DOCK5: variants seen among roughly 807,000 people sequenced by gnomAD.
DOCK5 encodes dedicator of cytokinesis protein 5.
A neutral mutation model predicts 251.8 loss-of-function variants in DOCK5; 142 were observed. The observed-to-expected ratio is 0.56, with a 90% CI of 0.49 to 0.65. The LOEUF is 0.65. DOCK5 is among the 30% of genes least tolerant of loss of function. The probability of loss-of-function intolerance (pLI) is 0.00; values close to 1 mark genes in which losing one functional copy is unlikely to be tolerated. For missense variants in DOCK5, 2,111 were observed against 2,312.3 expected, an observed-to-expected ratio of 0.91 and a Z score of 1.79; for synonymous variants, 842 against 835.5, an observed-to-expected ratio of 1.01 and a Z score of -0.13.
At chr8:25,345,644 T>C (rs1270328684) in intron 26 of DOCK5, 33 bp downstream of exon 26, 1 of 1,610,864 alleles carries the variant, frequency 6.2e-7, no homozygotes, top group East Asian at 2.2e-5. Context: ...CTGCACAGAG[T>C]TCACACTGTC....
intron 5 of DOCK5, among the ~76,000 whole-genome samples, chr8:25,284,998 G>C (rs901588742): frequency 1.3e-5 from 2 of 152,172 alleles, no homozygotes; most frequent in Non-Finnish European, 2.9e-5. Flanking sequence ...ATGGGAGAAA[G>C]GGTTCAGTGA....
intron 27 of DOCK5, among the ~76,000 whole-genome samples, chr8:25,353,255 G>A (rs1429990079): frequency 6.6e-6 from 1 of 152,116 alleles, no homozygotes; most frequent in Non-Finnish European, 1.5e-5. Flanking sequence ...CAGGAGGATC[G>A]CTTGAACCCA....
Position 25,202,249 on chromosome 8 carries a change from C to T in DOCK5, c.43+17298C>T, listed in dbSNP as rs561118862. On this transcript the variant is annotated intron_variant, in intron 1 of 51. Coordinates refer to ENST00000276440, the MANE Select transcript of DOCK5 (RefSeq NM_024940.8). ...GCCAGGCTGGTCTCGAACTCCTGTCCTCAAGCGATCCACCTGCCTCGGCCT... is the reference window on the plus strand; with the variant it reads ...GCCAGGCTGGTCTCGAACTCCTGTCTTCAAGCGATCCACCTGCCTCGGCCT... Among the ~76,000 whole-genome samples, 31 of 152,256 alleles carry T rather than the reference C, an allele frequency of 2.0e-4. 1 individual carries two copies. The South Asian group carries it at 6.0e-3, about 30-fold the overall frequency.
rs146850194 is a variant in DOCK5 at position 25,288,498 on chromosome 8, A to G, written c.322-3526A>G. On this transcript the variant is annotated intron_variant, in intron 5 of 51. Coordinates refer to ENST00000276440, the MANE Select transcript of DOCK5 (RefSeq NM_024940.8). ...ACGGGCAATAATTAAATTGCCACGG[A>G]TAGTGTCTAATGTAACTGAGACTAA... Among the ~76,000 whole-genome samples, 31 of 152,336 alleles carry G rather than the reference A, an allele frequency of 2.0e-4. No individual in the cohort carries two copies. In the East Asian group the frequency reaches 5.2e-3, roughly 26 times the overall value.
intron 1 of DOCK5, among the ~76,000 whole-genome samples, chr8:25,199,285 G>A (rs1236528681): frequency 7.2e-6 from 1 of 139,624 alleles, no homozygotes; most frequent in Non-Finnish European, 1.6e-5. Flanking sequence ...TTTCAGACCT[G>A]TATTTCAAAT....
intron 29 of DOCK5, 146 bp from the exon 30 acceptor site, chr8:25,364,480 A>G (rs1800741508): frequency 3.3e-6 from 2 of 608,550 alleles, no homozygotes; most frequent in South Asian, 4.1e-5. Flanking sequence ...GGATGGTGTT[A>G]TGCTGTTGTC....
chr8:25,278,045 G>A (rs1804092140), intron 4 of DOCK5, among the ~76,000 whole-genome samples: 1 of 152,124 alleles, frequency 6.6e-6, no homozygotes, highest in Non-Finnish European at 1.5e-5. Flanking sequence ...CGTTTTCTGT[G>A]TTGTGAAACT....
chr8:25,257,699 A>G (rs1343829536), intron 2 of DOCK5, among the ~76,000 whole-genome samples: 1 of 152,028 alleles, frequency 6.6e-6, no homozygotes, highest in Non-Finnish European at 1.5e-5. Context: ...TTGGGGTTAT[A>G]CTCTCAAATT....
chr8:25,212,616 G>A (rs1802133843), intron 1 of DOCK5, among the ~76,000 whole-genome samples: 1 of 71,554 alleles, frequency 1.4e-5, no homozygotes, highest in South Asian at 3.7e-4. Context: ...TGCGAAGTCT[G>A]TTTTGAAAGG....
intron 27 of DOCK5, 24 bp downstream of exon 27, chr8:25,351,850 C>G: frequency 6.2e-7 from 1 of 1,600,262 alleles, no homozygotes; most frequent in East Asian, 2.2e-5. Flanking sequence ...TGTTGGATCC[C>G]ACGGCCGCTG....
intron 1 of DOCK5, among the ~76,000 whole-genome samples, chr8:25,232,667 A>G (rs572986563): frequency 3.9e-4 from 59 of 152,258 alleles, no homozygotes; most frequent in Non-Finnish European, 8.1e-4. Context: ...CACGAATCCC[A>G]TTCATGAGAG....
At chr8:25,374,970 C>T (rs1382384792) in intron 37 of DOCK5, 2 of 1,194,238 alleles carry the variant, frequency 1.7e-6, no homozygotes, top group African/African-American at 3.2e-5. Flanking sequence ...CAGAAAACTG[C>T]AGAAAGATGA....
intron 1 of DOCK5, among the ~76,000 whole-genome samples, chr8:25,197,985 C>T (rs1021952272): frequency 2.0e-5 from 3 of 152,004 alleles, no homozygotes; most frequent in Admixed American, 6.6e-5. Context: ...CTCCTGACGT[C>T]GTGATCCGCC....
At chr8:25,199,172 C>T (rs1310083398) in intron 1 of DOCK5, among the ~76,000 whole-genome samples, 17 of 152,140 alleles carry the variant, frequency 1.1e-4, no homozygotes, top group Admixed American at 1.1e-3. Flanking sequence ...GAATGAACAT[C>T]ACTGTGTTTT....
rs1158956252 is a variant in DOCK5 at position 25,184,889 on chromosome 8, C to T, written c.-20C>T. ...CTGTAGCAGCCTTAGTCGCCGCCGC[C>T]GCGGGGCGAGGTCGCCGCCATGGCC... is the stretch of plus-strand genomic sequence containing the variant. On this transcript the variant is annotated 5_prime_UTR_variant, in exon 1 of 52. Coordinates refer to ENST00000276440, the MANE Select transcript of DOCK5 (RefSeq NM_024940.8). The T allele has an allele frequency of 2.9e-6, 4 of 1,386,598 alleles. No individual in the cohort carries two copies. Among genetic ancestry groups the T allele is most frequent in the Non-Finnish European group, 3.8e-6 (4 of 1,062,984 alleles). The allele number at this position is 1,386,598 out of a possible 1,614,324, so 85.9% of individuals were successfully genotyped here.
In DOCK5 at chr8:25,403,571, C is replaced by T. The variant is rs372542025; in HGVS notation, c.4940C>T (p.Thr1647Met). 9 of 1,613,690 alleles carry T rather than the reference C, an allele frequency of 5.6e-6. No individual in the cohort carries two copies. The highest frequency in any genetic ancestry group is 3.3e-5 in the Admixed American group (2 of 59,984). ...ATATGTTTTCAGCCACCCAACTTGACGGAGAGGAAGCAAAGCCGCACGGGG... is the reference window on the plus strand; with the variant it reads ...ATATGTTTTCAGCCACCCAACTTGATGGAGAGGAAGCAAAGCCGCACGGGG... ...YGVITLPPNL[T>M]ERKQSRTGSI... Residue 1647 changes from threonine (T) to methionine (M), a missense_variant, in exon 48 of 52, where the codon ACG becomes ATG. By Grantham distance (81) the Thr-to-Met change is moderately conservative (BLOSUM62 -1). Transcript: ENST00000276440.
intron 2 of DOCK5, among the ~76,000 whole-genome samples, chr8:25,245,940 A>G (rs2117551142): frequency 6.6e-6 from 1 of 152,208 alleles, no homozygotes; most frequent in South Asian, 2.1e-4. Context: ...TACTGATAGA[A>G]CTGTGTTAAC....
intron 1 of DOCK5, among the ~76,000 whole-genome samples, chr8:25,230,311 A>G (rs1253847224): frequency 1.3e-5 from 2 of 152,134 alleles, no homozygotes; most frequent in Non-Finnish European, 2.9e-5. Context: ...TGTATTCCCA[A>G]CCTACTGAAT....
intron 5 of DOCK5, among the ~76,000 whole-genome samples, chr8:25,291,298 C>T (rs1287611467): frequency 1.3e-5 from 2 of 152,112 alleles, no homozygotes; most frequent in Admixed American, 6.5e-5. Context: ...GTAGAAATGG[C>T]TCGGGAGAAA....
Sources: gnomAD v4.1 joint callset for allele counts (sites outside exome capture counted in the v4.1 genomes callset) on GRCh38, gnomAD v4.1.1 for gene constraint, MANE v1.5 for transcripts, NCBI Gene and HGNC (gene_info 2026-07-23, HGNC 2026-07-21) for gene names.